Variants in RSU1 observed in about 807,000 individuals in gnomAD.
RSU1 encodes the protein rsu-1.
RSU1 carries 26 observed loss-of-function variants against 31.1 expected under a neutral mutation model. That is an observed-to-expected ratio of 0.84 (90% CI 0.61 to 1.16). RSU1 has a LOEUF of 1.16. Among genes scored for constraint, RSU1 ranks in the 50% most tolerant of loss-of-function variants. The pLI is 0.00. For missense variants in RSU1, 320 were observed against 339.1 expected, an observed-to-expected ratio of 0.94 and a Z score of 0.44; for synonymous variants, 164 against 136.3, an observed-to-expected ratio of 1.20 and a Z score of -1.41.
At chr10:16,741,765 G>T (rs1836758309) in intron 7 of RSU1, among the ~76,000 whole-genome samples, 1 of 152,140 alleles carries the variant, frequency 6.6e-6, no homozygotes, top group African/African-American at 2.4e-5. Context: ...GGATTGTAAA[G>T]GGAAGGTAGG....
chr10:16,708,448 G>C (rs1398429914), intron 7 of RSU1, among the ~76,000 whole-genome samples: 1 of 152,130 alleles, frequency 6.6e-6, no homozygotes, highest in Non-Finnish European at 1.5e-5. Context: ...CTACATAAAA[G>C]TGAGCCTGCA....
intron 8 of RSU1, among the ~76,000 whole-genome samples, chr10:16,632,242 T>G (rs1343392103): frequency 1.3e-5 from 2 of 152,154 alleles, no homozygotes; most frequent in Admixed American, 1.3e-4. Context: ...CAAACCCCTA[T>G]GAAGCAATAA....
intron 7 of RSU1, among the ~76,000 whole-genome samples, chr10:16,743,591 C>T (rs945053049): frequency 2.6e-5 from 4 of 152,178 alleles, no homozygotes; most frequent in Non-Finnish European, 5.9e-5. Flanking sequence ...GCACAGTTTA[C>T]AATTCCATAA....
At chr10:16,594,773 T>G (rs1382529058) in intron 8 of RSU1, among the ~76,000 whole-genome samples, 1 of 146,048 alleles carries the variant, frequency 6.8e-6, no homozygotes, top group Non-Finnish European at 1.5e-5. Context: ...ATCTATTATA[T>G]ATCATATATA....
intron 8 of RSU1, among the ~76,000 whole-genome samples, chr10:16,650,260 G>C (rs1834657033): frequency 6.6e-6 from 1 of 152,158 alleles, no homozygotes; most frequent in Non-Finnish European, 1.5e-5. Flanking sequence ...GGAGGAGGCA[G>C]GTTCATGGGG....
At chr10:16,786,055 G>T (rs1165856176) in intron 2 of RSU1, among the ~76,000 whole-genome samples, 1 of 152,048 alleles carries the variant, frequency 6.6e-6, no homozygotes, top group East Asian at 1.9e-4. Context: ...AAATTTCGTT[G>T]GTGACTGGCA....
chr10:16,665,693 T>G (rs549713164), intron 8 of RSU1, among the ~76,000 whole-genome samples: 31 of 152,348 alleles, frequency 2.0e-4, no homozygotes, highest in South Asian at 1.0e-3. Flanking sequence ...TTTTTCCCCA[T>G]GGAGATATCT....
intron 8 of RSU1, among the ~76,000 whole-genome samples, chr10:16,666,583 A>T (rs561561634): frequency 6.2e-4 from 94 of 152,236 alleles, no homozygotes; most frequent in African/African-American, 2.2e-3. Context: ...TAAAGTATTT[A>T]AAAATAGTCC....
intron 8 of RSU1, among the ~76,000 whole-genome samples, chr10:16,639,800 G>A (rs1217164634): frequency 6.6e-6 from 1 of 152,128 alleles, no homozygotes; most frequent in East Asian, 1.9e-4. Flanking sequence ...GCATCTATCT[G>A]TCTGTGCCTG....
rs903125925 is a variant in RSU1 at position 16,592,922 on chromosome 10, A to C, written c.*472T>G. The C allele has an allele frequency of 5.8e-5, 9 of 153,894 alleles. No homozygotes were observed. The highest frequency in any genetic ancestry group is 2.2e-4 in the African/African-American group (9 of 41,456). 9.5% of individuals were successfully genotyped at this position (153,894 alleles called of 1,614,324 possible). On this transcript the variant is annotated 3_prime_UTR_variant, in exon 9 of 9. Transcript: ENST00000345264. ...AATAAGTAACATGTGATACAAACTC[A>C]AGATTTTATTAAAATCATTTGTAAG... is the stretch of plus-strand genomic sequence containing the variant.
intron 8 of RSU1, among the ~76,000 whole-genome samples, chr10:16,594,789 AT>A (rs939278496): frequency 1.1e-3 from 153 of 136,924 alleles, no homozygotes; most frequent in East Asian, 2.7e-3. Context: ...ATATATATAT[AT>A]TTTTTTTTTT....
intron 8 of RSU1, among the ~76,000 whole-genome samples, chr10:16,654,147 C>G (rs375371028): frequency 6.6e-6 from 1 of 151,576 alleles, no homozygotes; most frequent in Non-Finnish European, 1.5e-5. Context: ...GGATTACACG[C>G]GCACACCATC....
At chr10:16,755,101 A>G (rs530065873) in intron 4 of RSU1, 112 bp from the exon 5 acceptor site, 16 of 606,156 alleles carry the variant, frequency 2.6e-5, no homozygotes, top group Non-Finnish European at 4.4e-5. Context: ...CCATGATCCT[A>G]GAGTCACTTT....
chr10:16,765,831 G>A lies in RSU1; in HGVS notation c.161-1321C>T, dbSNP rs942200166. On this transcript the variant is annotated intron_variant, in intron 3 of 8. Transcript: ENST00000345264. ...CTCCAGGGGTGCCCCAGGAGGCTGG[G>A]AGACCAACCTGCTTCCTGCAGTCAG... Among the ~76,000 whole-genome samples, 9 of 152,322 alleles carry A rather than the reference G, an allele frequency of 5.9e-5. No homozygotes were observed. In the South Asian group the frequency reaches 1.0e-3, roughly 18 times the overall value.
intron 2 of RSU1, among the ~76,000 whole-genome samples, chr10:16,785,872 A>G (rs1044008184): frequency 6.6e-5 from 10 of 152,164 alleles, no homozygotes; most frequent in African/African-American, 2.4e-4. Context: ...AATTTGGGAA[A>G]AGGAGGACGG....
At chr10:16,754,281 T>C (rs1331715305) in intron 5 of RSU1, among the ~76,000 whole-genome samples, 2 of 152,242 alleles carry the variant, frequency 1.3e-5, no homozygotes, top group Non-Finnish European at 2.9e-5. Context: ...AATCATTTTT[T>C]AATTTTCAAA....
At chr10:16,660,591 T>G (rs1834869283) in intron 8 of RSU1, among the ~76,000 whole-genome samples, 1 of 151,896 alleles carries the variant, frequency 6.6e-6, no homozygotes, top group African/African-American at 2.4e-5. Context: ...CTCGTTACTC[T>G]GTGTTTTGTG....
chr10:16,687,019 C>T lies in RSU1; in HGVS notation c.731+8004G>A, dbSNP rs1175200533. On this transcript the variant is annotated intron_variant, in intron 8 of 8. Coordinates refer to ENST00000345264, the MANE Select transcript of RSU1 (RefSeq NM_012425.4). ...CCTACCAGGTCCCAGTCAGAGCTCCCAGGCAAGCACAGAGTGCTGGAGGAT... is the reference window on the plus strand; with the variant it reads ...CCTACCAGGTCCCAGTCAGAGCTCCTAGGCAAGCACAGAGTGCTGGAGGAT... Among the ~76,000 whole-genome samples the T allele has an allele frequency of 3.3e-5, 5 of 152,198 alleles. No homozygotes were observed. The South Asian group carries it at 8.3e-4, about 25-fold the overall frequency.
intron 8 of RSU1, among the ~76,000 whole-genome samples, chr10:16,600,992 T>TA (rs1253839214): frequency 6.6e-6 from 1 of 152,236 alleles, no homozygotes; most frequent in Non-Finnish European, 1.5e-5. Flanking sequence ...CATTCATTCT[T>TA]AAAAATGTCC....
Sources: gnomAD v4.1 joint callset for allele counts (sites outside exome capture counted in the v4.1 genomes callset) on GRCh38, gnomAD v4.1.1 for gene constraint, MANE v1.5 for transcripts, NCBI Gene and HGNC (gene_info 2026-07-23, HGNC 2026-07-21) for gene names.